Variants in EDDM3A observed in about 807,000 individuals in gnomAD.
The protein encoded by EDDM3A is epididymal secretory protein E3-alpha.
For synonymous variants in EDDM3A, 75 were observed against 60.4 expected (o/e 1.24, Z -1.12); for missense variants, 199 against 177.4 (o/e 1.12, Z -0.69).
At chr14:20,742,870 T>C (rs1468546634), upstream of EDDM3A, among the ~76,000 whole-genome samples, 1 of 152,138 alleles carries the variant, frequency 6.6e-6, no homozygotes, top group African/African-American at 2.4e-5. Context: ...TAGCTGGGAC[T>C]ACAGGCATGT....
At chr14:20,737,826 T>G in the EDDM3A span, among the ~76,000 whole-genome samples, 1 of 152,226 alleles carries the variant, frequency 6.6e-6, no homozygotes, top group East Asian at 1.9e-4. Context: ...GTTTGCTAAC[T>G]GTAGGAGAGA....
At chr14:20,745,072 A>G (rs1877541379), upstream of EDDM3A, among the ~76,000 whole-genome samples, 1 of 152,132 alleles carries the variant, frequency 6.6e-6, no homozygotes, top group South Asian at 2.1e-4. Context: ...AATTAATACA[A>G]AAAACTAGCC....
upstream of EDDM3A, among the ~76,000 whole-genome samples, chr14:20,743,475 A>G (rs1594237214): frequency 6.7e-6 from 1 of 149,190 alleles, no homozygotes; most frequent in African/African-American, 2.6e-5. Flanking sequence ...ACTTGAACCC[A>G]GGAGGCAGAG....
At chr14:20,742,572 T>A (rs10134707), upstream of EDDM3A, among the ~76,000 whole-genome samples, 1 of 151,680 alleles carries the variant, frequency 6.6e-6, no homozygotes, top group Non-Finnish European at 1.5e-5. Flanking sequence ...GGGTTTTGGG[T>A]TTTTTTTTAG....
chr14:20,736,107 CTTTTT>C, the EDDM3A span, among the ~76,000 whole-genome samples: 1 of 144,802 alleles, frequency 6.9e-6, no homozygotes, highest in Non-Finnish European at 1.5e-5. Flanking sequence ...CCCATCATCA[CTTTTT>C]TTTTTTTTTT....
upstream of EDDM3A, among the ~76,000 whole-genome samples, chr14:20,742,137 A>G (rs1877453090): frequency 6.6e-6 from 1 of 152,188 alleles, no homozygotes; most frequent in Non-Finnish European, 1.5e-5. Flanking sequence ...TGCAAGCTGC[A>G]TTGTTGCAGC....
chr14:20,737,053 C>CTT, the EDDM3A span, among the ~76,000 whole-genome samples: 1 of 132,504 alleles, frequency 7.5e-6, no homozygotes. Context: ...TTTTCTTTTT[C>CTT]CTTTTTTTTT....
chr14:20,745,468 G>A (rs2139080108), upstream of EDDM3A, among the ~76,000 whole-genome samples: 1 of 151,604 alleles, frequency 6.6e-6, no homozygotes. Context: ...GGAGCTTGCA[G>A]TGAGCCGAGA....
chr14:20,747,920 T>C lies in EDDM3A; in HGVS notation c.340T>C (p.Tyr114His). The C allele has an allele frequency of 1.2e-6, 2 of 1,614,046 alleles. No homozygotes were observed. Among genetic ancestry groups the C allele is most frequent in the African/African-American group, 2.7e-5 (2 of 74,984 alleles). Residue 114 changes from tyrosine (Y) to histidine (H), a missense_variant, in exon 2 of 2, where the codon TAC becomes CAC. Physicochemically the swap from Tyr to His is moderately conservative, Grantham distance 83. Coordinates refer to ENST00000326842, the MANE Select transcript of EDDM3A (RefSeq NM_006683.5). ...ECHWEKYNNR[Y>H]TESRSFSYIE... Reference sequence around the variant, plus strand: ...TCACTGGGAGAAGTACAACAATAGGTACACAGAGAGCAGAAGCTTCAGCTA... The same window carrying C: ...TCACTGGGAGAAGTACAACAATAGGCACACAGAGAGCAGAAGCTTCAGCTA...
rs1017355660 is a variant in EDDM3A at position 20,747,428 on chromosome 14, T to A, written c.-26-127T>A. The stretch of plus-strand genomic sequence containing the variant: ...CTGTATTCTTTAATGAGAATCATCA[T>A]CTTCTAATATGGAACCAAATAGCAA... On this transcript the variant is annotated intron_variant, in intron 1 of 1. Coordinates refer to ENST00000326842, the MANE Select transcript of EDDM3A (RefSeq NM_006683.5). The A allele has an allele frequency of 1.3e-5, 8 of 607,878 alleles. No homozygotes were observed. In the African/African-American group the frequency reaches 1.5e-4, roughly 11 times the overall value. 37.7% of individuals were successfully genotyped at this position (607,878 alleles called of 1,614,324 possible).
upstream of EDDM3A, among the ~76,000 whole-genome samples, chr14:20,743,658 A>G (rs1877502984): frequency 6.6e-6 from 1 of 151,684 alleles, no homozygotes. Context: ...TTAAAGGGGA[A>G]TACCTCCTTA....
At chr14:20,738,616 T>C in the EDDM3A span, among the ~76,000 whole-genome samples, 1 of 152,204 alleles carries the variant, frequency 6.6e-6, no homozygotes, top group Non-Finnish European at 1.5e-5. Flanking sequence ...GAAAAAATTT[T>C]CCTTCTACCC....
chr14:20,739,683 C>A, the EDDM3A span, among the ~76,000 whole-genome samples: 22 of 152,150 alleles, frequency 1.4e-4, no homozygotes, highest in Non-Finnish European at 2.8e-4. Flanking sequence ...ATTATCACAT[C>A]CATTGTGTTA....
chr14:20,740,714 G>T, the EDDM3A span, among the ~76,000 whole-genome samples: 1 of 152,130 alleles, frequency 6.6e-6, no homozygotes, highest in African/African-American at 2.4e-5. Flanking sequence ...CTGTCACTGA[G>T]GCTGGAATGC....
the EDDM3A span, among the ~76,000 whole-genome samples, chr14:20,740,797 C>T: frequency 6.6e-6 from 1 of 152,112 alleles, no homozygotes; most frequent in East Asian, 1.9e-4. Flanking sequence ...GCCAGGCCAC[C>T]GGCACTTGAC....
At chr14:20,739,645 A>G in the EDDM3A span, among the ~76,000 whole-genome samples, 1 of 152,180 alleles carries the variant, frequency 6.6e-6, no homozygotes, top group African/African-American at 2.4e-5. Context: ...TTTGTATTGC[A>G]TTTCAGCCAT....
At chr14:20,737,523 T>C in the EDDM3A span, among the ~76,000 whole-genome samples, 147 of 152,304 alleles carry the variant, frequency 9.7e-4, no homozygotes, top group African/African-American at 3.5e-3. Context: ...ATATCTCCAC[T>C]AGACTCAGTT....
chr14:20,740,188 T>C, the EDDM3A span, among the ~76,000 whole-genome samples: 42 of 152,322 alleles, frequency 2.8e-4, 1 homozygote, highest in East Asian at 8.1e-3. Flanking sequence ...ATTACACTAT[T>C]TCTCTGCTGC....
upstream of EDDM3A, among the ~76,000 whole-genome samples, chr14:20,744,141 G>A (rs543570289): frequency 2.0e-5 from 3 of 152,226 alleles, 1 homozygote; most frequent in African/African-American, 7.2e-5. Context: ...CCTCAGAATC[G>A]CCTCTCAAAT....
Sources: gnomAD v4.1 joint callset for allele counts (sites outside exome capture counted in the v4.1 genomes callset) on GRCh38, gnomAD v4.1.1 for gene constraint, MANE v1.5 for transcripts, NCBI Gene and HGNC (gene_info 2026-07-23, HGNC 2026-07-21) for gene names.